Variants in USO1 observed in about 807,000 individuals in gnomAD.
USO1 encodes USO1 vesicle transport factor.
In USO1, 57 loss-of-function variants were observed where a neutral mutation model predicts 124.5. That is an observed-to-expected ratio of 0.46 (90% CI 0.37 to 0.57). The LOEUF is 0.57. USO1 is among the 20% of genes least tolerant of loss of function. The pLI is 0.00. For missense variants in USO1, 900 were observed against 1,040.6 expected (o/e 0.86, Z 1.86); for synonymous variants, 369 against 362.8 (o/e 1.02, Z -0.19).
chr4:75,792,679 C>T (rs1462816192), intron 12 of USO1, among the ~76,000 whole-genome samples: 1 of 152,042 alleles, frequency 6.6e-6, no homozygotes, highest in East Asian at 1.9e-4. Flanking sequence ...TCTGGGCAAA[C>T]AGTGAGACCC....
At chr4:75,804,049 T>C in intron 17 of USO1, 85 bp from the exon 18 acceptor site, 2 of 1,492,466 alleles carry the variant, frequency 1.3e-6, no homozygotes, top group Non-Finnish European at 1.8e-6. Flanking sequence ...TGTCCCAAAA[T>C]GACCTCTAAT....
chr4:75,798,447 C>T lies in USO1; in HGVS notation c.1453-1175C>T, dbSNP rs1213751742. 2.0e-5 allele frequency among the ~76,000 whole-genome samples: 3 copies of T among 152,078 alleles called. No individual in the cohort carries two copies. In the East Asian group the frequency reaches 5.8e-4, roughly 29 times the overall value. ...TGGCAGTGACTGGTTTTTAACTTTCCAATTTACATGGATGACTTGAAGATA... is the reference window on the plus strand; with the variant it reads ...TGGCAGTGACTGGTTTTTAACTTTCTAATTTACATGGATGACTTGAAGATA... On this transcript the variant is annotated intron_variant, in intron 13 of 23. Coordinates refer to ENST00000514213, the MANE Select transcript of USO1 (RefSeq NM_003715.4).
chr4:75,746,674 C>G (rs1297575961), intron 1 of USO1, among the ~76,000 whole-genome samples: 1 of 152,112 alleles, frequency 6.6e-6, no homozygotes. Flanking sequence ...ATAGAGAGAT[C>G]ACTTTTTCAG....
At chr4:75,782,561 A>C (rs1012075050) in intron 8 of USO1, 119 bp from the exon 9 acceptor site, 2 of 1,317,766 alleles carry the variant, frequency 1.5e-6, no homozygotes, top group Non-Finnish European at 2.0e-6. Flanking sequence ...CAGACTGTCT[A>C]TCTGCCTGGC....
chr4:75,780,792 T>C (rs324736), intron 8 of USO1, among the ~76,000 whole-genome samples: 121,315 of 151,076 alleles, frequency 0.8, 48,885 homozygotes, highest in East Asian at 0.99. Context: ...GGATTACAGG[T>C]ATGCACCACC....
rs1723212745 is a variant in USO1 at position 75,813,638 on chromosome 4, T to A, written c.*343T>A. 1 of 164,518 alleles carries A rather than the reference T, an allele frequency of 6.1e-6. No homozygotes were observed. 10.2% of individuals were successfully genotyped at this position (164,518 alleles called of 1,614,324 possible). On this transcript the variant is annotated 3_prime_UTR_variant, in exon 24 of 24. Coordinates refer to ENST00000514213, the MANE Select transcript of USO1 (RefSeq NM_003715.4). The stretch of plus-strand genomic sequence containing the variant: ...CTTTGCAAAATTTGTGACTTTTAAG[T>A]ACTAACACATTTGATTGAATGTGTA...
At chr4:75,796,628 G>A (rs1040993413) in intron 13 of USO1, among the ~76,000 whole-genome samples, 5 of 151,876 alleles carry the variant, frequency 3.3e-5, no homozygotes, top group Admixed American at 1.3e-4. Flanking sequence ...GTGAGACACC[G>A]CGCCCAGCCC....
At chr4:75,755,402 A>G in intron 3 of USO1, 1 of 515,122 alleles carries the variant, frequency 1.9e-6, no homozygotes. Flanking sequence ...TCCTTCTGAA[A>G]TGCGTATCTT....
At chr4:75,751,557 G>GAAAATTA (rs1721297954) in intron 1 of USO1, among the ~76,000 whole-genome samples, 1 of 148,396 alleles carries the variant, frequency 6.7e-6, no homozygotes, top group African/African-American at 2.5e-5. Flanking sequence ...TTGGCCGGGC[G>GAAAATTA]CAGTGGCTCA....
chr4:75,750,905 T>C (rs950886648), intron 1 of USO1, among the ~76,000 whole-genome samples: 24 of 152,210 alleles, frequency 1.6e-4, no homozygotes, highest in African/African-American at 5.3e-4. Context: ...TCTTTTTTAA[T>C]GTAATTTTAT....
In USO1 at chr4:75,793,666, A is replaced by T. The variant is rs532563828; in HGVS notation, c.1241-24A>T. On this transcript the variant is annotated intron_variant, in intron 12 of 23. Coordinates refer to ENST00000514213, the MANE Select transcript of USO1 (RefSeq NM_003715.4). ...TTACGTCAAAATCTAATATATTTTT[A>T]TTGTCTGCCTGCCATCTTTGTAGCA... The T allele has an allele frequency of 7.0e-6, 11 of 1,573,762 alleles. No homozygotes were observed. In the East Asian group the frequency reaches 1.9e-4, roughly 27 times the overall value.
intron 17 of USO1, among the ~76,000 whole-genome samples, chr4:75,803,731 A>G (rs1722918155): frequency 6.6e-6 from 1 of 151,588 alleles, no homozygotes; most frequent in African/African-American, 2.4e-5. Flanking sequence ...CTCTTTTTTC[A>G]ATTTCCTATA....
Position 75,813,204 on chromosome 4 carries a change from A to T in USO1, c.2800-2A>T. On this transcript the variant is annotated splice_acceptor_variant, in intron 23 of 23. Coordinates refer to ENST00000514213, the MANE Select transcript of USO1 (RefSeq NM_003715.4). LOFTEE classifies it high-confidence loss of function. ...AATATTAAATACGTCTTTTTCCTCTAGGTTGAAGAAGAGGATGAACTTGAA... is the reference window on the plus strand; with the variant it reads ...AATATTAAATACGTCTTTTTCCTCTTGGTTGAAGAAGAGGATGAACTTGAA... The T allele has an allele frequency of 6.2e-7, 1 of 1,603,194 alleles. No homozygotes were observed. The highest frequency in any genetic ancestry group is 1.8e-5 in the Admixed American group (1 of 56,714).
At position 75,724,716 on chromosome 4, in the gene USO1, AGT is replaced by A. The variant is rs553361722; in HGVS notation, c.-99_-98del. The A allele has an allele frequency of 1.9e-4, 225 of 1,166,652 alleles. 1 individual carries two copies. The highest frequency in any genetic ancestry group is 1.0e-3 in the Admixed American group (49 of 48,594). The allele number at this position is 1,166,652 out of a possible 1,614,324, so 72.3% of individuals were successfully genotyped here. A position where few individuals can be genotyped will look rare whatever the true frequency, so the allele number is the denominator to read the frequency against. On this transcript the variant is annotated 5_prime_UTR_variant, in exon 1 of 24. Transcript: ENST00000514213. Reference sequence around the variant, plus strand: ...TGGAGGCGGTGGTGGCAGCAGTAGGAGTGTGTAGAGTGCGGGATTGGGGCCCA... The same window carrying A: ...TGGAGGCGGTGGTGGCAGCAGTAGGAGTGTAGAGTGCGGGATTGGGGCCCA...
rs545106620 is a variant in USO1 at position 75,760,936 on chromosome 4, C to T, written c.295+3363C>T. Among the ~76,000 whole-genome samples the T allele has an allele frequency of 1.9e-4, 29 of 152,246 alleles. No homozygotes were observed. In the East Asian group the frequency reaches 2.1e-3, roughly 11 times the overall value. Reference sequence around the variant, plus strand: ...CCAAGGCGGGCAGATCACTTGAGGTCGGGAGTTCAAGACCAGCCTAGCCAG... The same window carrying T: ...CCAAGGCGGGCAGATCACTTGAGGTTGGGAGTTCAAGACCAGCCTAGCCAG... On this transcript the variant is annotated intron_variant, in intron 4 of 23. Transcript: ENST00000514213.
At chr4:75,790,319 T>A in intron 11 of USO1, 81 bp downstream of exon 11, 1 of 1,475,400 alleles carries the variant, frequency 6.8e-7, no homozygotes, top group Non-Finnish European at 9.0e-7. Context: ...CACATCTTAC[T>A]CTTTTTAAAG....
chr4:75,799,806 G>C, intron 14 of USO1, 74 bp downstream of exon 14: 1 of 1,528,422 alleles, frequency 6.5e-7, no homozygotes, highest in Non-Finnish European at 8.9e-7. Context: ...ATTAGAAGTA[G>C]TTCTATGCCC....
At chr4:75,767,314 A>G (rs558085471) in intron 4 of USO1, among the ~76,000 whole-genome samples, 2 of 152,374 alleles carry the variant, frequency 1.3e-5, no homozygotes, top group South Asian at 2.1e-4. Context: ...TATTCACTCA[A>G]TATCTTTACT....
At chr4:75,724,915 G>GA (rs772782369) in intron 1 of USO1, 30 bp downstream of exon 1, 1 of 1,611,568 alleles carries the variant, frequency 6.2e-7, no homozygotes, top group Non-Finnish European at 8.5e-7. Flanking sequence ...TGGGACTTGG[G>GA]AAGGGGTCCG....
Sources: allele counts gnomAD v4.1 joint callset (sites outside exome capture counted in the v4.1 genomes callset), GRCh38; gene constraint gnomAD v4.1.1; transcripts MANE v1.5; gene names NCBI Gene and HGNC (gene_info 2026-07-23, HGNC 2026-07-21).